Variants in RAB10 observed in about 807,000 individuals in gnomAD.
RAB10 encodes ras-related protein Rab-10.
RAB10 carries 5 observed loss-of-function variants against 25.7 expected under a neutral mutation model. The ratio of observed to expected loss-of-function variants is 0.19; its 90% CI spans 0.10 to 0.41. The LOEUF (loss-of-function observed/expected upper bound fraction) is 0.41, where lower values mean the gene tolerates loss of function less well. Among genes scored for constraint, RAB10 ranks in the 10% least tolerant of loss-of-function variants. RAB10 has a pLI of 1.00. For missense variants in RAB10, 103 were observed against 245.8 expected (o/e 0.42, Z 3.89); for synonymous variants, 89 against 86.4 (o/e 1.03, Z -0.16).
chr2:26,130,205 C>T (rs774866021), intron 5 of RAB10, among the ~76,000 whole-genome samples: 85 of 152,074 alleles, frequency 5.6e-4, no homozygotes, highest in Non-Finnish European at 7.2e-4. Context: ...TAAGGTGAAA[C>T]CCATTAGAAT....
chr2:26,098,288 T>G (rs960590778), intron 1 of RAB10, among the ~76,000 whole-genome samples: 1 of 151,958 alleles, frequency 6.6e-6, no homozygotes, highest in African/African-American at 2.4e-5. Context: ...GCCTGGCTAA[T>G]TTTTTGTGTT....
chr2:26,081,819 A>C (rs976177288), intron 1 of RAB10, among the ~76,000 whole-genome samples: 1 of 152,248 alleles, frequency 6.6e-6, no homozygotes, highest in African/African-American at 2.4e-5. Context: ...ATTTAAGTTC[A>C]GAAAGGAAAA....
rs915338479 is a variant in RAB10, at chr2:26,109,807, C to T, written c.228C>T (p.Thr76=). 3.7e-6 allele frequency: 6 copies of T among 1,609,456 alleles called. No individual in the cohort carries two copies. In the African/African-American group the frequency reaches 5.4e-5, roughly 14 times the overall value. Residue 76 remains threonine, a synonymous_variant, in exon 3 of 6, where the codon ACC becomes ACT. Transcript: ENST00000264710. Reference sequence around the variant, plus strand: ...AGGAGCGATTTCACACCATCACAACCTCCTACTACAGAGGCGCAATGGGTA... The same window carrying T: ...AGGAGCGATTTCACACCATCACAACTTCCTACTACAGAGGCGCAATGGGTA... ...AGQERFHTIT[T]SYYRGAMGIM... is the part of the protein sequence containing the mutation.
chr2:26,054,170 C>T (rs1381655932), intron 1 of RAB10, among the ~76,000 whole-genome samples: 1 of 151,338 alleles, frequency 6.6e-6, no homozygotes, highest in Non-Finnish European at 1.5e-5. Flanking sequence ...TCCTCAGCCT[C>T]CCAAGTAGCT....
intron 1 of RAB10, among the ~76,000 whole-genome samples, chr2:26,077,887 G>A (rs1406522020): frequency 2.0e-5 from 3 of 152,162 alleles, no homozygotes; most frequent in East Asian, 3.8e-4. Context: ...ACTGAGGCAG[G>A]AGAGTCACTT....
In RAB10 at chr2:26,091,123, C is replaced by T. The variant is rs191724864; in HGVS notation, c.128-7539C>T. Reference sequence around the variant, plus strand: ...AAACATCATTTATCTGTTTATTTGACAGATATTTCTTGGATTGCCTGCTAA... The same window carrying T: ...AAACATCATTTATCTGTTTATTTGATAGATATTTCTTGGATTGCCTGCTAA... On this transcript the variant is annotated intron_variant, in intron 1 of 5. Transcript: ENST00000264710. 6.6e-5 allele frequency among the ~76,000 whole-genome samples: 10 copies of T among 152,170 alleles called. No homozygotes were observed. In the East Asian group the frequency reaches 1.7e-3, roughly 26 times the overall value.
chr2:26,084,136 C>T (rs1360028411), intron 1 of RAB10, among the ~76,000 whole-genome samples: 1 of 152,220 alleles, frequency 6.6e-6, no homozygotes, highest in African/African-American at 2.4e-5. Flanking sequence ...GGAACACTCT[C>T]CCCAAATAGT....
At position 26,098,737 on chromosome 2, in the gene RAB10, TTTACTTTATGTAGCAGAATG is replaced by T. The variant is rs754597296; in HGVS notation, c.188+17_188+36del. ...CTACAGATATGGTAAGTGATGCTAA[TTTACTTTATGTAGCAGAATG>T]TCAGGTTCCTTAAGGTTTCACAGTG... On this transcript the variant is annotated intron_variant, in intron 2 of 5. Transcript: ENST00000264710. 2 of 1,558,710 alleles carry T rather than the reference TTTACTTTATGTAGCAGAATG, an allele frequency of 1.3e-6. No individual in the cohort carries two copies. The highest frequency in any genetic ancestry group is 1.8e-6 in the Non-Finnish European group (2 of 1,134,764).
chr2:26,050,991 T>C (rs1666120097), intron 1 of RAB10, among the ~76,000 whole-genome samples: 1 of 152,038 alleles, frequency 6.6e-6, no homozygotes, highest in South Asian at 2.1e-4. Flanking sequence ...TGATCAGGGC[T>C]CTCTGCAGCC....
intron 1 of RAB10, among the ~76,000 whole-genome samples, chr2:26,082,372 T>G (rs954931511): frequency 2.0e-5 from 3 of 152,086 alleles, no homozygotes; most frequent in African/African-American, 7.2e-5. Context: ...GAGTGCTATA[T>G]TAATATTAGA....
chr2:26,078,805 T>C (rs1666796596), intron 1 of RAB10, among the ~76,000 whole-genome samples: 1 of 152,084 alleles, frequency 6.6e-6, no homozygotes, highest in Non-Finnish European at 1.5e-5. Context: ...ATAGGAGCTG[T>C]TGACTTTTTT....
At chr2:26,074,814 T>C (rs1248352904) in intron 1 of RAB10, among the ~76,000 whole-genome samples, 1 of 152,234 alleles carries the variant, frequency 6.6e-6, no homozygotes, top group Non-Finnish European at 1.5e-5. Context: ...TGTGCCTGAA[T>C]AAGTTACTTA....
intron 3 of RAB10, among the ~76,000 whole-genome samples, chr2:26,114,737 C>CAAAAAAAAAAAAAAAAAAA (rs58252306): frequency 2.1e-4 from 14 of 66,058 alleles, no homozygotes; most frequent in African/African-American, 7.6e-4. Context: ...CAAAAATATA[C>CAAAAAAAAAAAAAAAAAAA]AAAAAAAAAA....
At chr2:26,090,587 C>T (rs1182689628) in intron 1 of RAB10, among the ~76,000 whole-genome samples, 1 of 147,042 alleles carries the variant, frequency 6.8e-6, no homozygotes, top group East Asian at 2.0e-4. Flanking sequence ...GTTTGCTTTT[C>T]TAATTTATTA....
intron 3 of RAB10, among the ~76,000 whole-genome samples, chr2:26,114,214 C>T (rs1053017251): frequency 6.6e-6 from 1 of 151,828 alleles, no homozygotes; most frequent in African/African-American, 2.4e-5. Flanking sequence ...TTTAAAAATT[C>T]CCCCCCGTAG....
At chr2:26,047,656 A>T (rs1018705419) in intron 1 of RAB10, among the ~76,000 whole-genome samples, 2 of 150,080 alleles carry the variant, frequency 1.3e-5, no homozygotes, top group Admixed American at 1.3e-4. Context: ...ACCTCAGGTG[A>T]TCTGCCTTGC....
chr2:26,128,769 G>C (rs1254681852), intron 5 of RAB10, among the ~76,000 whole-genome samples: 1 of 152,008 alleles, frequency 6.6e-6, no homozygotes, highest in Non-Finnish European at 1.5e-5. Flanking sequence ...GTGATCTTGG[G>C]GAATTTATAT....
chr2:26,117,919 G>C (rs2149286665), intron 3 of RAB10, among the ~76,000 whole-genome samples: 1 of 152,272 alleles, frequency 6.6e-6, no homozygotes, highest in Admixed American at 6.5e-5. Context: ...AGCTTAGGAA[G>C]GACAAATCCT....
At chr2:26,050,661 A>G (rs1666111235) in intron 1 of RAB10, among the ~76,000 whole-genome samples, 1 of 152,112 alleles carries the variant, frequency 6.6e-6, no homozygotes, top group African/African-American at 2.4e-5. Flanking sequence ...CTTTGGAGAC[A>G]GGGTTTCACT....
Sources: allele counts gnomAD v4.1 joint callset (sites outside exome capture counted in the v4.1 genomes callset), GRCh38; gene constraint gnomAD v4.1.1; transcripts MANE v1.5; gene names NCBI Gene and HGNC (gene_info 2026-07-23, HGNC 2026-07-21).